The following LARP1B variants were observed in gnomAD, a reference collection of about 807,000 sequenced individuals.
LARP1B encodes La ribonucleoprotein 1B.
A neutral mutation model predicts 114.2 loss-of-function variants in LARP1B; 76 were observed. The ratio of observed to expected loss-of-function variants is 0.67; its 90% CI spans 0.55 to 0.81. The LOEUF (loss-of-function observed/expected upper bound fraction) is 0.81, where lower values mean the gene tolerates loss of function less well. LARP1B is among the 30% of genes least tolerant of loss of function. The pLI is 0.00. For synonymous variants in LARP1B, 345 were observed against 348.0 expected (o/e 0.99, Z 0.10); for missense variants, 1,014 against 1,075.8 (o/e 0.94, Z 0.80).
At chr4:128,129,772 TAGAGA>T (rs1790964931) in intron 11 of LARP1B, among the ~76,000 whole-genome samples, 1 of 150,084 alleles carries the variant, frequency 6.7e-6, no homozygotes, top group Admixed American at 6.7e-5. Context: ...GGCAATACAA[TAGAGA>T]AAAGTCTTTT....
chr4:128,110,261 A>C (rs914935497), intron 9 of LARP1B, among the ~76,000 whole-genome samples: 1 of 152,130 alleles, frequency 6.6e-6, no homozygotes, highest in African/African-American at 2.4e-5. Context: ...ACAAATTAAA[A>C]CAAGTATTAA....
At chr4:128,155,463 G>A (rs1019190611) in intron 11 of LARP1B, 2 of 755,768 alleles carry the variant, frequency 2.6e-6, no homozygotes, top group Admixed American at 3.6e-5. Flanking sequence ...GCAGCCCCCC[G>A]GCCGCAGTGC....
At chr4:128,112,209 ACT>A (rs1039032265) in intron 9 of LARP1B, among the ~76,000 whole-genome samples, 1 of 152,030 alleles carries the variant, frequency 6.6e-6, no homozygotes, top group Non-Finnish European at 1.5e-5. Context: ...CATGTATATA[ACT>A]CTAAAAATTT....
intron 10 of LARP1B, among the ~76,000 whole-genome samples, chr4:128,117,757 T>A (rs1413257866): frequency 6.6e-6 from 1 of 152,064 alleles, no homozygotes; most frequent in Non-Finnish European, 1.5e-5. Context: ...TGACCTCAGG[T>A]GAACCGCTGG....
At chr4:128,069,182 T>C (rs574643796) in intron 1 of LARP1B, 52 of 1,098,006 alleles carry the variant, frequency 4.7e-5, no homozygotes, top group African/African-American at 4.0e-4. Flanking sequence ...TGGTGATCCA[T>C]TGGGTGTCAG....
At chr4:128,123,304 T>A in intron 11 of LARP1B, 1 of 985,442 alleles carries the variant, frequency 1.0e-6, no homozygotes, top group Non-Finnish European at 1.2e-6. Context: ...AAAGGAAGTG[T>A]GTTTTTATAA....
chr4:128,194,827 A>C (rs1189059574), intron 15 of LARP1B, among the ~76,000 whole-genome samples: 1 of 151,332 alleles, frequency 6.6e-6, no homozygotes, highest in African/African-American at 2.4e-5. Flanking sequence ...GGATGGGGCC[A>C]CTGCACTCCA....
intron 8 of LARP1B, among the ~76,000 whole-genome samples, chr4:128,100,921 G>A (rs1324156671): frequency 3.3e-5 from 5 of 150,384 alleles, no homozygotes; most frequent in Non-Finnish European, 4.4e-5. Flanking sequence ...GGGTTCAAGC[G>A]AGTCTCCTGC....
intron 11 of LARP1B, 162 bp downstream of exon 11, chr4:128,122,350 C>G: frequency 6.9e-7 from 1 of 1,456,614 alleles, no homozygotes; most frequent in Non-Finnish European, 9.0e-7. Context: ...TAATTACCAC[C>G]TGAGGAATCG....
chr4:128,082,344 A>G (rs1393327213), intron 5 of LARP1B, 39 bp downstream of exon 5: 3 of 1,565,484 alleles, frequency 1.9e-6, no homozygotes, highest in Non-Finnish European at 1.8e-6. Flanking sequence ...CTAAGGAAAG[A>G]CTTAGTCTTA....
rs764510304 is a variant in LARP1B at position 128,206,387 on chromosome 4, A to G, written c.2310-41A>G. The G allele has an allele frequency of 2.6e-6, 3 of 1,164,204 alleles. No homozygotes were observed. The African/African-American group carries it at 4.7e-5, about 18-fold the overall frequency. The allele number at this position is 1,164,204 out of a possible 1,614,324, so 72.1% of individuals were successfully genotyped here. A position where few individuals can be genotyped will look rare whatever the true frequency, so the allele number is the denominator to read the frequency against. ...TATATTGATGTTACTAACTATAGAG[A>G]TATTGTATTTTATTATAAACCTTTT... On this transcript the variant is annotated intron_variant, in intron 17 of 19. Coordinates refer to ENST00000326639, the MANE Select transcript of LARP1B (RefSeq NM_018078.4).
At chr4:128,206,221 G>A (rs1265441672) in intron 17 of LARP1B, among the ~76,000 whole-genome samples, 1 of 152,180 alleles carries the variant, frequency 6.6e-6, no homozygotes, top group African/African-American at 2.4e-5. Flanking sequence ...GAACCAGGGA[G>A]GCGGAGGTTG....
At chr4:128,123,945 C>T (rs1432935626) in intron 11 of LARP1B, 1 of 152,540 alleles carries the variant, frequency 6.6e-6, no homozygotes. Context: ...ATTATAATTG[C>T]AGATATGTCT....
chr4:128,157,442 G>A (rs1411961500), intron 11 of LARP1B, among the ~76,000 whole-genome samples: 3 of 152,150 alleles, frequency 2.0e-5, no homozygotes, highest in Admixed American at 6.5e-5. Context: ...AATATTTGAA[G>A]AGATTATGGG....
intron 4 of LARP1B, among the ~76,000 whole-genome samples, chr4:128,080,151 ATT>A (rs994736731): frequency 7.1e-6 from 1 of 141,208 alleles, no homozygotes; most frequent in Non-Finnish European, 1.6e-5. Context: ...CTAATTTTGT[ATT>A]TTTTTTTTTT....
chr4:128,107,321 C>A lies in LARP1B; in HGVS notation c.988+8C>A. ...CCTTTTGCTCACATACAGGTAACAT[C>A]TTTTCTTCTAGAGCAAACGATGTAA... is the stretch of plus-strand genomic sequence containing the variant. On this transcript the variant is annotated splice_region_variant and intron_variant, in intron 9 of 19. Transcript: ENST00000326639. The A allele has an allele frequency of 6.2e-7, 1 of 1,613,816 alleles. No individual in the cohort carries two copies. Among genetic ancestry groups the A allele is most frequent in the South Asian group, 1.1e-5 (1 of 91,024 alleles).
chr4:128,107,481 C>T, intron 9 of LARP1B, 168 bp downstream of exon 9: 1 of 1,435,012 alleles, frequency 7.0e-7, no homozygotes, highest in Non-Finnish European at 9.2e-7. Flanking sequence ...CACAGAGTTA[C>T]AAATTAAATA....
intron 3 of LARP1B, 84 bp downstream of exon 3, chr4:128,075,077 G>A: frequency 1.1e-6 from 1 of 914,574 alleles, no homozygotes; most frequent in Admixed American, 2.2e-5. Flanking sequence ...TACTTAAAAT[G>A]TAAAGAATTG....
At chr4:128,097,079 G>A (rs1205788836) in intron 7 of LARP1B, among the ~76,000 whole-genome samples, 6 of 151,800 alleles carry the variant, frequency 4.0e-5, no homozygotes, top group Non-Finnish European at 8.8e-5. Context: ...TTGTATTTTA[G>A]TAGAGATGGG....
Sources: allele counts gnomAD v4.1 joint callset (sites outside exome capture counted in the v4.1 genomes callset), GRCh38; gene constraint gnomAD v4.1.1; transcripts MANE v1.5; gene names NCBI Gene and HGNC (gene_info 2026-07-23, HGNC 2026-07-21).